Variants in EBF1 observed in about 807,000 individuals in gnomAD.
The protein encoded by EBF1 is EBF transcription factor 1.
A neutral mutation model predicts 68.4 loss-of-function variants in EBF1; 10 were observed. The ratio of observed to expected loss-of-function variants is 0.15; its 90% CI spans 0.09 to 0.25. The LOEUF (loss-of-function observed/expected upper bound fraction) is 0.25. EBF1 is among the 10% of genes least tolerant of loss of function. The probability of loss-of-function intolerance (pLI) is 1.00; values close to 1 mark genes in which losing one functional copy is unlikely to be tolerated. For synonymous variants in EBF1, 298 were observed against 299.8 expected, an observed-to-expected ratio of 0.99 and a Z score of 0.06; for missense variants, 509 against 794.4, an observed-to-expected ratio of 0.64 and a Z score of 4.32.
intron 6 of EBF1, among the ~76,000 whole-genome samples, chr5:158,911,853 G>GTCATCCCA (rs755101858): frequency 5.3e-5 from 8 of 152,212 alleles, no homozygotes; most frequent in Non-Finnish European, 1.2e-4. Flanking sequence ...AGATGATGCT[G>GTCATCCCA]TCATCCCATT....
chr5:158,900,491 A>G (rs1347969946), intron 6 of EBF1, among the ~76,000 whole-genome samples: 1 of 152,216 alleles, frequency 6.6e-6, no homozygotes, highest in African/African-American at 2.4e-5. Context: ...TGGTAACGAC[A>G]TGGGCATGAG....
At chr5:158,776,868 T>C (rs1455583350) in intron 10 of EBF1, among the ~76,000 whole-genome samples, 1 of 152,194 alleles carries the variant, frequency 6.6e-6, no homozygotes, top group Non-Finnish European at 1.5e-5. Context: ...CTCTGTCTGA[T>C]GGGAGGGAAT....
chr5:159,026,266 G>C (rs1767696590), intron 6 of EBF1, among the ~76,000 whole-genome samples: 1 of 151,960 alleles, frequency 6.6e-6, no homozygotes, highest in Non-Finnish European at 1.5e-5. Context: ...GTAGGCTCTT[G>C]TGTTAATGAA....
intron 6 of EBF1, among the ~76,000 whole-genome samples, chr5:158,866,149 A>G (rs1277380398): frequency 6.6e-6 from 1 of 152,220 alleles, no homozygotes; most frequent in East Asian, 1.9e-4. Context: ...GGGTCTCTTA[A>G]TCTCTTCCCA....
intron 6 of EBF1, among the ~76,000 whole-genome samples, chr5:159,002,904 A>G (rs1762825524): frequency 6.6e-6 from 1 of 152,244 alleles, no homozygotes; most frequent in Non-Finnish European, 1.5e-5. Flanking sequence ...ACTAATTTGC[A>G]GCTGTGTAGG....
intron 8 of EBF1, among the ~76,000 whole-genome samples, chr5:158,800,041 C>T (rs1780307217): frequency 6.6e-6 from 1 of 151,962 alleles, no homozygotes; most frequent in African/African-American, 2.4e-5. Context: ...CTATAGGTAC[C>T]CAAATGTTCA....
Position 158,798,051 on chromosome 5 carries a change from A to G in EBF1, c.779-1576T>C, listed in dbSNP as rs6892521. Among the ~76,000 whole-genome samples, 954 of 152,218 alleles carry G rather than the reference A, an allele frequency of 6.3e-3. 7 individuals carry two copies. The highest frequency in any genetic ancestry group is 0.022 in the African/African-American group (902 of 41,492). ...AGTACTCCCAAACCAGTGGTACCAT[A>G]TGATGTATGATTTGAAGCAAGTTAT... On this transcript the variant is annotated intron_variant, in intron 8 of 15. Coordinates refer to ENST00000313708, the MANE Select transcript of EBF1 (RefSeq NM_024007.5).
intron 11 of EBF1, among the ~76,000 whole-genome samples, chr5:158,728,280 C>T (rs564246704): frequency 1.3e-5 from 2 of 152,152 alleles, no homozygotes; most frequent in Non-Finnish European, 2.9e-5. Flanking sequence ...GATCAAGTGG[C>T]TAGATGCAAG....
intron 6 of EBF1, among the ~76,000 whole-genome samples, chr5:158,864,223 CAAAAAA>C (rs34498854): frequency 4.8e-4 from 28 of 58,566 alleles, no homozygotes; most frequent in African/African-American, 1.4e-3. Flanking sequence ...GACTCTGTCT[CAAAAAA>C]AAAAAAAAAA....
intron 6 of EBF1, among the ~76,000 whole-genome samples, chr5:159,072,484 A>T (rs150805205): frequency 2.3e-4 from 35 of 152,260 alleles, no homozygotes; most frequent in African/African-American, 8.2e-4. Flanking sequence ...ACTTGTGTTC[A>T]ACCATTGGTT....
chr5:158,943,961 G>C (rs948738761), intron 6 of EBF1, among the ~76,000 whole-genome samples: 2 of 152,266 alleles, frequency 1.3e-5, no homozygotes, highest in Admixed American at 6.5e-5. Flanking sequence ...TTTCCACTGA[G>C]CCCGGACTGC....
At chr5:158,713,475 A>C (rs1759924011) in intron 12 of EBF1, among the ~76,000 whole-genome samples, 1 of 152,238 alleles carries the variant, frequency 6.6e-6, no homozygotes, top group African/African-American at 2.4e-5. Context: ...CATACAGGAC[A>C]GCACCATGGG....
chr5:158,803,209 C>A lies in EBF1; in HGVS notation c.779-6734G>T, dbSNP rs973785271. Among the ~76,000 whole-genome samples the A allele has an allele frequency of 4.6e-5, 7 of 152,058 alleles. No individual in the cohort carries two copies. In the East Asian group the frequency reaches 1.2e-3, roughly 25 times the overall value. ...TACTTGTGACCTCGTAAAACTCATGCTTTTCTCCCTTTTATCTCCTTAATT... is the reference window on the plus strand; with the variant it reads ...TACTTGTGACCTCGTAAAACTCATGATTTTCTCCCTTTTATCTCCTTAATT... On this transcript the variant is annotated intron_variant, in intron 8 of 15. Transcript: ENST00000313708.
intron 6 of EBF1, among the ~76,000 whole-genome samples, chr5:158,926,574 A>C (rs1809738864): frequency 6.6e-6 from 1 of 151,978 alleles, no homozygotes; most frequent in African/African-American, 2.4e-5. Flanking sequence ...AAATACAAAA[A>C]TTAGCCAGGC....
chr5:158,743,497 C>T (rs958280357), intron 10 of EBF1, among the ~76,000 whole-genome samples: 3 of 152,118 alleles, frequency 2.0e-5, no homozygotes, highest in African/African-American at 7.2e-5. Flanking sequence ...GTAGGAGCAA[C>T]ACGATGTGAT....
intron 6 of EBF1, among the ~76,000 whole-genome samples, chr5:158,886,671 A>G (rs1376885888): frequency 6.6e-6 from 1 of 152,228 alleles, no homozygotes; most frequent in Admixed American, 6.5e-5. Flanking sequence ...GAAAATGCAT[A>G]CTTATTTTAA....
intron 6 of EBF1, among the ~76,000 whole-genome samples, chr5:159,055,499 A>C (rs1457328153): frequency 6.6e-6 from 1 of 152,222 alleles, no homozygotes; most frequent in African/African-American, 2.4e-5. Flanking sequence ...GAGAAGTCCC[A>C]TATCAGAATG....
At chr5:158,720,455 C>T (rs1271767699) in intron 11 of EBF1, among the ~76,000 whole-genome samples, 1 of 152,094 alleles carries the variant, frequency 6.6e-6, no homozygotes, top group Non-Finnish European at 1.5e-5. Context: ...TGGAAAATTC[C>T]ACAATGGTAG....
chr5:158,856,543 G>A (rs1363352559), intron 6 of EBF1, among the ~76,000 whole-genome samples: 17 of 152,174 alleles, frequency 1.1e-4, no homozygotes, highest in African/African-American at 4.1e-4. Context: ...AGGAAAGATT[G>A]CTCCAAAGTA....
Sources: gnomAD v4.1 joint callset for allele counts (sites outside exome capture counted in the v4.1 genomes callset) on GRCh38, gnomAD v4.1.1 for gene constraint, MANE v1.5 for transcripts, NCBI Gene and HGNC (gene_info 2026-07-23, HGNC 2026-07-21) for gene names.